TRIM28: variants seen among roughly 807,000 people sequenced by gnomAD.
TRIM28 encodes tripartite motif containing 28, also known as transcription intermediary factor 1-beta.
TRIM28 carries 8 observed loss-of-function variants against 87.4 expected under a neutral mutation model. That is an observed-to-expected ratio of 0.09 (90% confidence interval 0.05 to 0.17). The LOEUF is 0.17. Ranked by LOEUF, TRIM28 falls within the 10% of genes least tolerant of loss-of-function variation. The probability of loss-of-function intolerance (pLI) is 1.00; values close to 1 mark genes in which losing one functional copy is unlikely to be tolerated. For synonymous variants in TRIM28, 601 were observed against 454.3 expected (o/e 1.32, Z -4.11); for missense variants, 968 against 1,131.8 (o/e 0.86, Z 2.08).
At chr19:58,547,986 A>G (rs920146830) in intron 6 of TRIM28, 48 bp from the exon 7 acceptor site, 13 of 1,612,866 alleles carry the variant, frequency 8.1e-6, no homozygotes, top group African/African-American at 6.7e-5. Flanking sequence ...GAGTGATCCT[A>G]GTATTCTTCT....
Position 58,544,288 on chromosome 19 carries a change from A to T in TRIM28, c.-470A>T, listed in dbSNP as rs1448018517. ...CCCGCCCCGCCCCCACAAGAGCCCCACCGACGTGGGGTTGGCGGTGGTGGA... is the reference window on the plus strand; with the variant it reads ...CCCGCCCCGCCCCCACAAGAGCCCCTCCGACGTGGGGTTGGCGGTGGTGGA... On this transcript the variant is annotated 5_prime_UTR_variant, in exon 1 of 17. Transcript: ENST00000253024. The T allele has an allele frequency of 1.3e-5, 2 of 152,212 alleles. No homozygotes were observed. Among genetic ancestry groups the T allele is most frequent in the Non-Finnish European group, 2.9e-5 (2 of 68,132 alleles). 9.4% of individuals were successfully genotyped at this position (152,212 alleles called of 1,614,324 possible).
rs766159689 is a variant in TRIM28, at chr19:58,548,816, GC to G, written c.1360+41del. On this transcript the variant is annotated intron_variant, in intron 10 of 16. Coordinates refer to ENST00000253024, the MANE Select transcript of TRIM28 (RefSeq NM_005762.3). ...CTAGTGGGTGGGGAAGGGCCCCAGT[GC>G]TGTTTCTACCCCAACCTGCCAGTCT... 6.8e-6 allele frequency: 11 copies of G among 1,614,068 alleles called. No homozygotes were observed. In the South Asian group the frequency reaches 9.9e-5, roughly 14 times the overall value.
In TRIM28 at chr19:58,545,065, CG is replaced by C; in HGVS notation, c.313del (p.Asp105ThrfsTer74). The stretch of plus-strand genomic sequence containing the variant: ...GCGGCCCCCGCCGCCGCCAACAGCT[CG>C]GGGGACGGCGGGGCGGCGGGCGACG... ...GPAAPAAANSSGDGGAAGDGT... is the reference protein window; with the variant it reads ...GPAAPAAANSXGDGGAAGDGT... On this transcript the variant is annotated frameshift_variant, in exon 1 of 17. Coordinates refer to ENST00000253024, the MANE Select transcript of TRIM28 (RefSeq NM_005762.3). LOFTEE classifies it high-confidence loss of function. 3 of 1,444,586 alleles carry C rather than the reference CG, an allele frequency of 2.1e-6. No homozygotes were observed. Among genetic ancestry groups the C allele is most frequent in the Admixed American group, 3.2e-5 (1 of 31,614 alleles). 89.5% of individuals were successfully genotyped at this position (1,444,586 alleles called of 1,614,324 possible). A position where few individuals can be genotyped will look rare whatever the true frequency, so the allele number is the denominator to read the frequency against.
At position 58,549,625 on chromosome 19, in the gene TRIM28, C is replaced by T. The variant is rs754049875; in HGVS notation, c.1957C>T (p.Leu653=). The T allele has an allele frequency of 3.1e-6, 5 of 1,613,056 alleles. No homozygotes were observed. The highest frequency in any genetic ancestry group is 4.2e-6 in the Non-Finnish European group (5 of 1,179,208). ...GTTTTGTTTCCACCTGGACTGTCAC[C>T]TGCCGGCCCTGCAGGATGTACCAGG... The part of the protein sequence containing the change: ...CEFCFHLDCH[L]PALQDVPGEE... Residue 653 remains leucine, a synonymous_variant, in exon 13 of 17, where the codon CTG becomes TTG. Coordinates refer to ENST00000253024, the MANE Select transcript of TRIM28 (RefSeq NM_005762.3). This position sits in a 1 kb window ranked among gnomAD's most constrained non-coding sequence, Gnocchi z 4.4.
In TRIM28 at chr19:58,545,759, G is replaced by A. The variant is rs1158973791; in HGVS notation, c.454-5G>A. 1.2e-6 allele frequency: 2 copies of A among 1,600,876 alleles called. No homozygotes were observed. Among genetic ancestry groups the A allele is most frequent in the Non-Finnish European group, 1.7e-6 (2 of 1,170,468 alleles). The stretch of plus-strand genomic sequence containing the variant: ...GCCTTCTCTGACCCTGCCTTTGTCT[G>A]GCAGTGCTGCACTAGCTGTGAGGAT... On this transcript the variant is annotated splice_polypyrimidine_tract_variant and splice_region_variant and intron_variant, in intron 2 of 16. Transcript: ENST00000253024.
At chr19:58,545,989 T>G (rs994490160) in intron 3 of TRIM28, 93 bp downstream of exon 3, 39 of 1,463,524 alleles carry the variant, frequency 2.7e-5, no homozygotes, top group Non-Finnish European at 3.5e-5. Context: ...GGATGGGTCC[T>G]AGAGTTCTCT....
chr19:58,548,009 T>C (rs1568661097), intron 6 of TRIM28, 25 bp from the exon 7 acceptor site: 1 of 1,613,746 alleles, frequency 6.2e-7, no homozygotes, highest in Admixed American at 1.7e-5. Flanking sequence ...CTTCTCTGCT[T>C]ACCTCATACA....
At position 58,545,097 on chromosome 19, in the gene TRIM28, G is replaced by A; in HGVS notation, c.340G>A (p.Val114Met). The change falls in exon 1 of 17, where the codon GTG (valine) becomes ATG (methionine). Residue 114 changes from valine (V) to methionine (M), a missense_variant and splice_region_variant. Around this residue, in one of 11 missense-constraint regions of TRIM28, gnomAD observed 51 missense variants for 69.3 expected, o/e 0.74. Coordinates refer to ENST00000253024, the MANE Select transcript of TRIM28 (RefSeq NM_005762.3). ...CGGCGGGGCGGCGGGCGACGGCACC[G>A]GTAAGTACGAAGTGATCGGTGCCAC... ...GDGGAAGDGT[V>M]VDCPVCKQQC... is the part of the protein sequence containing the mutation. 1.4e-6 allele frequency: 2 copies of A among 1,420,946 alleles called. No individual in the cohort carries two copies. Among genetic ancestry groups the A allele is most frequent in the Non-Finnish European group, 1.8e-6 (2 of 1,100,330 alleles). 88.0% of individuals were successfully genotyped at this position (1,420,946 alleles called of 1,614,324 possible). A position where few individuals can be genotyped will look rare whatever the true frequency, so the allele number is the denominator to read the frequency against.
At position 58,545,943 on chromosome 19, in the gene TRIM28, C is replaced by T. The variant is rs370882381; in HGVS notation, c.586+47C>T. 6.4e-6 allele frequency: 10 copies of T among 1,555,456 alleles called. No homozygotes were observed. The South Asian group carries it at 9.2e-5, about 14-fold the overall frequency. On this transcript the variant is annotated intron_variant, in intron 3 of 16. Coordinates refer to ENST00000253024, the MANE Select transcript of TRIM28 (RefSeq NM_005762.3). Reference sequence around the variant, plus strand: ...TGTTGGAGTTGTTCTCCCATGTGTGCCCTCAGTTGCTTTTATGATGTTGGT... The same window carrying T: ...TGTTGGAGTTGTTCTCCCATGTGTGTCCTCAGTTGCTTTTATGATGTTGGT...
In TRIM28 at chr19:58,548,842, TTC is replaced by T; in HGVS notation, c.1361-18_1361-17del. ...CTGTTTCTACCCCAACCTGCCAGTC[TTC>T]TTTCTCCATTTTCTAAGGAGATGAT... On this transcript the variant is annotated intron_variant, in intron 10 of 16. Transcript: ENST00000253024. 1 of 1,614,040 alleles carries T rather than the reference TTC, an allele frequency of 6.2e-7. No homozygotes were observed. The highest frequency in any genetic ancestry group is 2.2e-5 in the East Asian group (1 of 44,876).
At position 58,548,719 on chromosome 19, in the gene TRIM28, AG is replaced by A. The variant is rs1196113248; in HGVS notation, c.1324-18del. The A allele has an allele frequency of 1.2e-6, 2 of 1,613,230 alleles. No individual in the cohort carries two copies. The highest frequency in any genetic ancestry group is 1.7e-6 in the Non-Finnish European group (2 of 1,179,944). On this transcript the variant is annotated intron_variant, in intron 9 of 16. Coordinates refer to ENST00000253024, the MANE Select transcript of TRIM28 (RefSeq NM_005762.3). ...TAGGGTTCCTGTCCCACTGAGGCAG[AG>A]GGTTCTGCTTTGTTCACAGCCCATG...
Position 58,548,426 on chromosome 19 carries a change from CCTCA to C in TRIM28, c.1216+22_1216+25del. 6.2e-7 allele frequency: 1 copy of C among 1,614,054 alleles called. No individual in the cohort carries two copies. The highest frequency in any genetic ancestry group is 8.5e-7 in the Non-Finnish European group (1 of 1,179,918). ...GGCCTTTGGTGGGTCCCCAGCTTTA[CCTCA>C]CTCTGTTATTACCCCACGTGCTGCA... is the stretch of plus-strand genomic sequence containing the variant. On this transcript the variant is annotated intron_variant, in intron 8 of 16. Coordinates refer to ENST00000253024, the MANE Select transcript of TRIM28 (RefSeq NM_005762.3).
intron 1 of TRIM28, 87 bp downstream of exon 1, chr19:58,545,184 C>T: frequency 1.6e-6 from 2 of 1,252,138 alleles, no homozygotes; most frequent in Non-Finnish European, 2.1e-6. Flanking sequence ...GCCACCTGGG[C>T]GAGAGGATGG....
chr19:58,545,410 C>T lies in TRIM28; in HGVS notation c.341-15C>T, dbSNP rs376555717. Reference sequence around the variant, plus strand: ...GGGAACTTGTAACAGTCTCCCACATCCCTGCTTCTCGAAGTGGTGGACTGT... The same window carrying T: ...GGGAACTTGTAACAGTCTCCCACATTCCTGCTTCTCGAAGTGGTGGACTGT... On this transcript the variant is annotated splice_polypyrimidine_tract_variant and intron_variant, in intron 1 of 16. Coordinates refer to ENST00000253024, the MANE Select transcript of TRIM28 (RefSeq NM_005762.3). 1.3e-5 allele frequency: 20 copies of T among 1,596,862 alleles called. No individual in the cohort carries two copies. In the African/African-American group the frequency reaches 1.9e-4, roughly 15 times the overall value.
rs112112913 is a variant in TRIM28, at chr19:58,548,642, G to A, written c.1323+50G>A. 37 of 1,363,220 alleles carry A rather than the reference G, an allele frequency of 2.7e-5. No homozygotes were observed. The South Asian group carries it at 4.0e-4, about 15-fold the overall frequency. The allele number at this position is 1,363,220 out of a possible 1,614,324, so 84.4% of individuals were successfully genotyped here. On this transcript the variant is annotated intron_variant, in intron 9 of 16. Transcript: ENST00000253024. ...AGGGGTGGGCAGGGAATGGGGTCCA[G>A]TAGCAGGAGAGAGGACCCAGGCAGG...
Position 58,550,141 on chromosome 19 carries a change from C to T in TRIM28, c.2194-6C>T, listed in dbSNP as rs1288934730. 6.2e-7 allele frequency: 1 copy of T among 1,613,726 alleles called. No homozygotes were observed. The highest frequency in any genetic ancestry group is 8.5e-7 in the Non-Finnish European group (1 of 1,179,978). On this transcript the variant is annotated splice_region_variant and splice_polypyrimidine_tract_variant and intron_variant, in intron 15 of 16. Coordinates refer to ENST00000253024, the MANE Select transcript of TRIM28 (RefSeq NM_005762.3). ...TTGTGTGTGTATGTGTGATCTCTGCCTGCAGGACCAGCCCGGTGGCACCCT... is the reference window on the plus strand; with the variant it reads ...TTGTGTGTGTATGTGTGATCTCTGCTTGCAGGACCAGCCCGGTGGCACCCT...
chr19:58,550,354 C>A (rs770498879), intron 16 of TRIM28, 23 bp from the exon 17 acceptor site: 1 of 1,612,616 alleles, frequency 6.2e-7, no homozygotes, highest in African/African-American at 1.3e-5. Context: ...CCCATTCATC[C>A]ACTGCATTCC....
In TRIM28 at chr19:58,547,359, T is replaced by C. The variant is rs755876585; in HGVS notation, c.587-17T>C. 1.1e-5 allele frequency: 18 copies of C among 1,611,132 alleles called. No individual in the cohort carries two copies. Among genetic ancestry groups the C allele is most frequent in the African/African-American group, 5.3e-5 (4 of 74,802 alleles). On this transcript the variant is annotated splice_polypyrimidine_tract_variant and intron_variant, in intron 3 of 16. Coordinates refer to ENST00000253024, the MANE Select transcript of TRIM28 (RefSeq NM_005762.3). ...TGGTGAAGGGCAAGGTCCAGCCTTA[T>C]GATTCCCACTCCCCAGGGCCAGCCA...
At position 58,547,675 on chromosome 19, in the gene TRIM28, T is replaced by C. The variant is rs1260195842; in HGVS notation, c.801T>C (p.His267=). The C allele has an allele frequency of 6.2e-7, 1 of 1,614,086 alleles. No homozygotes were observed. Among genetic ancestry groups the C allele is most frequent in the South Asian group, 1.1e-5 (1 of 91,088 alleles). Reference sequence around the variant, plus strand: ...TGGTGAAGCGCCTTGGGGACAAACATGCAACATTGCAGAAGAGCACCAAGG... The same window carrying C: ...TGGTGAAGCGCCTTGGGGACAAACACGCAACATTGCAGAAGAGCACCAAGG... ...ASLVKRLGDK[H]ATLQKSTKEV... Residue 267 remains histidine (H), a synonymous_variant, in exon 5 of 17, where the codon CAT becomes CAC. Transcript: ENST00000253024.
Sources: gnomAD v4.1 joint callset for allele counts on GRCh38, gnomAD v4.1.1 for gene constraint, gnomAD v4.1.1 regional missense constraint, Gnocchi (gnomAD v3.1) non-coding constraint, MANE v1.5 for transcripts, NCBI Gene and HGNC (gene_info 2026-07-23, HGNC 2026-07-21) for gene names.